The following SYDE2 variants were observed in gnomAD, a reference collection of about 807,000 sequenced individuals.
The protein encoded by SYDE2 is synapse defective Rho GTPase homolog 2.
SYDE2 carries 76 observed loss-of-function variants against 91.5 expected under a neutral mutation model. The ratio of observed to expected loss-of-function variants is 0.83; its 90% confidence interval spans 0.69 to 1.01. The LOEUF is 1.01. Among genes scored for constraint, SYDE2 ranks in the 50% least tolerant of loss-of-function variants. The pLI is 0.00. For synonymous variants in SYDE2, 513 were observed against 506.4 expected (o/e 1.01, Z -0.18); for missense variants, 1,364 against 1,367.7 (o/e 1.00, Z 0.04).
intron 6 of SYDE2, among the ~76,000 whole-genome samples, chr1:85,163,447 A>ATC (rs1484518601): frequency 6.7e-4 from 54 of 80,764 alleles, no homozygotes; most frequent in East Asian, 2.5e-3. Flanking sequence ...ACTTTAATCT[A>ATC]TATATATATA....
Position 85,190,471 on chromosome 1 carries a change from A to AT in SYDE2, c.1026dup (p.Cys343MetfsTer2). 1 of 1,614,022 alleles carries AT rather than the reference A, an allele frequency of 6.2e-7. No homozygotes were observed. Among genetic ancestry groups the AT allele is most frequent in the Non-Finnish European group, 8.5e-7 (1 of 1,179,870 alleles). ...GATAATGAAGAGTTTGTAGCGTTAC[A>AT]TACCACATATGTACAGTACTCTTTA... On this transcript the variant is annotated frameshift_variant, in exon 2 of 7. Coordinates refer to ENST00000341460, the MANE Select transcript of SYDE2 (RefSeq NM_032184.2). LOFTEE classifies it high-confidence loss of function.
chr1:85,200,866 G>A lies in SYDE2; in HGVS notation c.131C>T (p.Pro44Leu). 1 of 1,362,666 alleles carries A rather than the reference G, an allele frequency of 7.3e-7. No homozygotes were observed. Among genetic ancestry groups the A allele is most frequent in the Non-Finnish European group, 9.4e-7 (1 of 1,068,208 alleles). 84.4% of individuals were successfully genotyped at this position (1,362,666 alleles called of 1,614,324 possible). A position where few individuals can be genotyped will look rare whatever the true frequency, so the allele number is the denominator to read the frequency against. ...SRGAAYRRAC[P>L]RDGERGGGGR... is the part of the protein sequence containing the mutation. Reference sequence around the variant, plus strand: ...GCCGCCTCCCCGCTCCCCGTCCCGGGGGCAGGCTCGGCGGTACGCGGCGCC... The same window carrying A: ...GCCGCCTCCCCGCTCCCCGTCCCGGAGGCAGGCTCGGCGGTACGCGGCGCC... Residue 44 changes from proline (P) to leucine (L), a missense_variant, in exon 1 of 7, where the codon CCC becomes CTC. Transcript: ENST00000341460.
Position 85,190,540 on chromosome 1 carries a change from A to G in SYDE2, c.958T>C (p.Ser320Pro), listed in dbSNP as rs372874169. The change falls in exon 2 of 7, where the codon TCT becomes CCT. Residue 320 changes from serine (S) to proline (P), a missense_variant. Ser to Pro is a moderately conservative substitution (Grantham distance 74). Transcript: ENST00000341460. ...TGTGATAGCTGATGTTTAGGTAGAG[A>G]CACAGGTGAGATGGATAAATGACTT... ...DRSHLSISPVSLPKHQLSQSF... is the reference protein window; with the variant it reads ...DRSHLSISPVPLPKHQLSQSF... 23 of 1,613,888 alleles carry G rather than the reference A, an allele frequency of 1.4e-5. No individual in the cohort carries two copies. The highest frequency in any genetic ancestry group is 1.9e-5 in the Non-Finnish European group (23 of 1,179,878).
At chr1:85,173,189 T>G (rs376783437) in intron 4 of SYDE2, among the ~76,000 whole-genome samples, 10 of 152,110 alleles carry the variant, frequency 6.6e-5, no homozygotes, top group African/African-American at 2.4e-4. Flanking sequence ...ATATGACATG[T>G]TCTTATAAAA....
At chr1:85,180,391 T>C (rs1657864724) in intron 3 of SYDE2, among the ~76,000 whole-genome samples, 1 of 151,894 alleles carries the variant, frequency 6.6e-6, no homozygotes, top group African/African-American at 2.4e-5. Context: ...CAAAAATGTC[T>C]TTAAAAAGTA....
chr1:85,182,982 T>C lies in SYDE2; in HGVS notation c.1660A>G (p.Ser554Gly). Residue 554 changes from serine (S) to glycine (G), a missense_variant, in exon 3 of 7, where the codon AGT becomes GGT. Coordinates refer to ENST00000341460, the MANE Select transcript of SYDE2 (RefSeq NM_032184.2). ...SVKGTLNYINSPDNTPSLSKY... is the reference protein window; with the variant it reads ...SVKGTLNYINGPDNTPSLSKY... ...GACAAAGAAGGAGTATTATCTGGAC[T>C]GTTTATATAATTCAATGTTCCCTTA... 3 of 1,613,376 alleles carry C rather than the reference T, an allele frequency of 1.9e-6. No individual in the cohort carries two copies. Among genetic ancestry groups the C allele is most frequent in the Non-Finnish European group, 2.5e-6 (3 of 1,179,690 alleles).
At position 85,157,572 on chromosome 1, in the gene SYDE2, A is replaced by G. The variant is rs1292401726; in HGVS notation, c.*1178T>C. 2 of 152,174 alleles carry G rather than the reference A, an allele frequency of 1.3e-5. No individual in the cohort carries two copies. Among genetic ancestry groups the G allele is most frequent in the African/African-American group, 4.8e-5 (2 of 41,470 alleles). The allele number at this position is 152,174 out of a possible 1,614,324, so 9.4% of individuals were successfully genotyped here. A position where few individuals can be genotyped will look rare whatever the true frequency, so the allele number is the denominator to read the frequency against. On this transcript the variant is annotated 3_prime_UTR_variant, in exon 7 of 7. Transcript: ENST00000341460. Reference sequence around the variant, plus strand: ...ACCAGTGCAGAAATCTGGGTACTTAATCCCTTAAGGAGTTAGAGGATTTCA... The same window carrying G: ...ACCAGTGCAGAAATCTGGGTACTTAGTCCCTTAAGGAGTTAGAGGATTTCA...
Position 85,182,751 on chromosome 1 carries a change from T to C in SYDE2, c.1891A>G (p.Thr631Ala). 1 of 1,613,960 alleles carries C rather than the reference T, an allele frequency of 6.2e-7. No homozygotes were observed. The highest frequency in any genetic ancestry group is 8.5e-7 in the Non-Finnish European group (1 of 1,179,872). ...TCAGATCCATGTTTGCTAGCTTTAG[T>C]TGTAAGTTCAGGTGAGTCTCCATCA... ...LSDGDSPELT[T>A]KASKHGSENK... The change falls in exon 3 of 7, where the codon ACT becomes GCT. Residue 631 changes from threonine (T) to alanine (A), a missense_variant. Thr to Ala is a moderately conservative substitution (Grantham distance 58). Coordinates refer to ENST00000341460, the MANE Select transcript of SYDE2 (RefSeq NM_032184.2).
At chr1:85,185,531 G>A (rs1000477460) in intron 2 of SYDE2, among the ~76,000 whole-genome samples, 1 of 152,072 alleles carries the variant, frequency 6.6e-6, no homozygotes, top group African/African-American at 2.4e-5. Flanking sequence ...TCCCTTGTAA[G>A]TTGGATTCCT....
chr1:85,194,609 C>T (rs1658508241), intron 1 of SYDE2, among the ~76,000 whole-genome samples: 1 of 151,860 alleles, frequency 6.6e-6, no homozygotes, highest in East Asian at 1.9e-4. Context: ...TGCAACTATA[C>T]ATGTTATGGG....
intron 5 of SYDE2, among the ~76,000 whole-genome samples, chr1:85,166,703 T>C (rs1657290603): frequency 6.6e-6 from 1 of 152,190 alleles, no homozygotes; most frequent in South Asian, 2.1e-4. Flanking sequence ...TATTTCTTTT[T>C]TAAATTCATA....
rs564648977 is a variant in SYDE2, at chr1:85,156,988, T to C, written c.*1762A>G. 3 of 152,166 alleles carry C rather than the reference T, an allele frequency of 2.0e-5. No individual in the cohort carries two copies. The highest frequency in any genetic ancestry group is 2.0e-4 in the Admixed American group (3 of 15,296). The allele number at this position is 152,166 out of a possible 1,614,324, so 9.4% of individuals were successfully genotyped here. Reference sequence around the variant, plus strand: ...TCCTATAAAACATTCAAGAGTACTTTCCTTTGACTGTTTACTCAATATATA... The same window carrying C: ...TCCTATAAAACATTCAAGAGTACTTCCCTTTGACTGTTTACTCAATATATA... On this transcript the variant is annotated 3_prime_UTR_variant, in exon 7 of 7. Coordinates refer to ENST00000341460, the MANE Select transcript of SYDE2 (RefSeq NM_032184.2).
chr1:85,179,751 G>A (rs910818201), intron 3 of SYDE2, among the ~76,000 whole-genome samples: 4 of 152,050 alleles, frequency 2.6e-5, no homozygotes, highest in Non-Finnish European at 5.9e-5. Context: ...CAGAAGAAAC[G>A]AACTTGATTA....
chr1:85,173,495 T>C (rs1298403968), intron 4 of SYDE2, among the ~76,000 whole-genome samples: 1 of 152,162 alleles, frequency 6.6e-6, no homozygotes, highest in Non-Finnish European at 1.5e-5. Flanking sequence ...AAAGCTAATA[T>C]AAGTACACAG....
In SYDE2 at chr1:85,169,096, C is replaced by G; in HGVS notation, c.2801G>C (p.Gly934Ala). 6.2e-7 allele frequency: 1 copy of G among 1,613,854 alleles called. No individual in the cohort carries two copies. The highest frequency in any genetic ancestry group is 1.1e-5 in the South Asian group (1 of 91,078). Residue 934 changes from glycine (G) to alanine (A), a missense_variant, in exon 5 of 7, where the codon GGT (glycine) becomes GCT (alanine). By Grantham distance (60) the Gly-to-Ala change is moderately conservative. Coordinates refer to ENST00000341460, the MANE Select transcript of SYDE2 (RefSeq NM_032184.2). ...CAGGTCAACAGTGTACTTAGAGTCA[C>G]CTGGGTCATTCTCACAACCATTTGA... ...MSSNGCENDP[G>A]DSKYTVDLLD... is the part of the protein sequence containing the mutation.
intron 6 of SYDE2, chr1:85,160,300 C>CTA (rs1657014429): frequency 1.4e-5 from 13 of 930,942 alleles, no homozygotes; most frequent in Non-Finnish European, 1.5e-5. Context: ...ATATATGGTT[C>CTA]TAGTTTTCCA....
Position 85,178,173 on chromosome 1 carries a change from G to T in SYDE2, c.2644C>A (p.Gln882Lys), listed in dbSNP as rs1307098629. ...GTTATTACATTTATATCTGGGTACT[G>T]GTTTTCACACAGACCAACAGCTTTG... ...DSKAVGLCEN[Q>K]YPDINVITGV... Residue 882 changes from glutamine (Q) to lysine (K), a missense_variant, in exon 4 of 7, where the codon CAG (glutamine) becomes AAG (lysine). Transcript: ENST00000341460. 1.3e-6 allele frequency: 2 copies of T among 1,581,464 alleles called. No homozygotes were observed. The highest frequency in any genetic ancestry group is 1.7e-6 in the Non-Finnish European group (2 of 1,162,354).
chr1:85,172,158 G>A (rs965040242), intron 4 of SYDE2, among the ~76,000 whole-genome samples: 4 of 152,166 alleles, frequency 2.6e-5, no homozygotes, highest in African/African-American at 7.2e-5. Flanking sequence ...TTACAGAAAG[G>A]AAGTGGAAAG....
intron 6 of SYDE2, chr1:85,160,991 A>T: frequency 1.0e-6 from 1 of 981,350 alleles, no homozygotes; most frequent in Non-Finnish European, 1.2e-6. Flanking sequence ...AATTTCTGAA[A>T]AACCAACATC....
Sources: gnomAD v4.1 joint callset for allele counts (sites outside exome capture counted in the v4.1 genomes callset) on GRCh38, gnomAD v4.1.1 for gene constraint, MANE v1.5 for transcripts, NCBI Gene and HGNC (gene_info 2026-07-23, HGNC 2026-07-21) for gene names.